SGCZ: variants seen among roughly 807,000 people sequenced by gnomAD.
The protein encoded by SGCZ is sarcoglycan zeta.
Under a neutral mutation model 41.3 loss-of-function variants are expected in SGCZ, and 40 were observed. That is an observed-to-expected ratio of 0.97 (90% confidence interval 0.75 to 1.26). The LOEUF (loss-of-function observed/expected upper bound fraction) is 1.26, where lower values mean the gene tolerates loss of function less well. Ranked by LOEUF, SGCZ falls within the 50% of genes most tolerant of loss-of-function variation. The probability of loss-of-function intolerance (pLI) is 0.00; values close to 1 mark genes in which losing one functional copy is unlikely to be tolerated. For synonymous variants in SGCZ, 206 were observed against 137.5 expected, an observed-to-expected ratio of 1.50 and a Z score of -3.49; for missense variants, 552 against 369.8, an observed-to-expected ratio of 1.49 and a Z score of -4.04.
chr8:14,676,316 A>G (rs1365480857), intron 1 of SGCZ, among the ~76,000 whole-genome samples: 1 of 148,894 alleles, frequency 6.7e-6, no homozygotes, highest in Non-Finnish European at 1.5e-5. Flanking sequence ...AACAGCATAG[A>G]GAGATCCCAC....
At chr8:14,378,078 A>T (rs1804205300) in intron 2 of SGCZ, among the ~76,000 whole-genome samples, 1 of 150,008 alleles carries the variant, frequency 6.7e-6, no homozygotes, top group South Asian at 2.1e-4. Flanking sequence ...TAGTATTTCT[A>T]GTTCTAGATC....
intron 2 of SGCZ, among the ~76,000 whole-genome samples, chr8:14,476,380 C>G (rs1016681173): frequency 6.6e-6 from 1 of 152,020 alleles, no homozygotes; most frequent in African/African-American, 2.4e-5. Flanking sequence ...TGATTCCCAT[C>G]ATAAATCTTT....
chr8:14,505,981 C>T (rs10098266), intron 2 of SGCZ, among the ~76,000 whole-genome samples: 10,856 of 152,060 alleles, frequency 0.071, 598 homozygotes, highest in African/African-American at 0.15. Flanking sequence ...TATGTCCTTC[C>T]CAAACTTCCA....
At chr8:14,621,433 T>C (rs906868032) in intron 1 of SGCZ, among the ~76,000 whole-genome samples, 2 of 149,350 alleles carry the variant, frequency 1.3e-5, no homozygotes, top group African/African-American at 4.9e-5. Context: ...ACTTAAAGTA[T>C]AATAAAAAAA....
intron 1 of SGCZ, among the ~76,000 whole-genome samples, chr8:15,157,438 T>G (rs1173934381): frequency 1.3e-5 from 2 of 150,324 alleles, no homozygotes; most frequent in East Asian, 1.9e-4. Flanking sequence ...AAAAAAAAAG[T>G]AGCCCGTAAT....
At chr8:14,818,676 T>A (rs1482369307) in intron 1 of SGCZ, among the ~76,000 whole-genome samples, 2 of 152,082 alleles carry the variant, frequency 1.3e-5, no homozygotes, top group Middle Eastern at 6.8e-3. Context: ...AAACAAATAA[T>A]TCACTGAAGT....
rs1800462083 is a variant in SGCZ, at chr8:15,189,509, T to C, written c.39+48076A>G. On this transcript the variant is annotated intron_variant, in intron 1 of 7. Coordinates refer to ENST00000382080, the MANE Select transcript of SGCZ (RefSeq NM_139167.4). ...TCTTAACATACATTTCTCATCACGC[T>C]CAAGGGACTCTTTGTGTACAGTTAG... is the stretch of plus-strand genomic sequence containing the variant. Among the ~76,000 whole-genome samples, 4 of 152,088 alleles carry C rather than the reference T, an allele frequency of 2.6e-5. No homozygotes were observed. The South Asian group carries it at 8.3e-4, about 32-fold the overall frequency.
At chr8:14,405,368 C>T (rs1799185271) in intron 2 of SGCZ, among the ~76,000 whole-genome samples, 2 of 152,288 alleles carry the variant, frequency 1.3e-5, no homozygotes, top group Admixed American at 6.5e-5. Context: ...TTTTCTCACA[C>T]ACATTCCATT....
intron 1 of SGCZ, among the ~76,000 whole-genome samples, chr8:14,631,574 G>C (rs1460413786): frequency 1.3e-5 from 2 of 152,104 alleles, no homozygotes; most frequent in Non-Finnish European, 2.9e-5. Flanking sequence ...TAAAGTCTCA[G>C]ATTGAGGAAA....
At chr8:14,811,211 T>C (rs1394606033) in intron 1 of SGCZ, among the ~76,000 whole-genome samples, 3 of 152,066 alleles carry the variant, frequency 2.0e-5, no homozygotes, top group Non-Finnish European at 4.4e-5. Flanking sequence ...TTCATTAAAA[T>C]GAATTCAGTG....
chr8:14,747,268 T>A (rs1271657642), intron 1 of SGCZ, among the ~76,000 whole-genome samples: 1 of 152,174 alleles, frequency 6.6e-6, no homozygotes, highest in Non-Finnish European at 1.5e-5. Flanking sequence ...TCTCGTCTCC[T>A]GTCCCCAGGA....
chr8:14,489,076 G>A (rs538175466), intron 2 of SGCZ, among the ~76,000 whole-genome samples: 58 of 142,036 alleles, frequency 4.1e-4, no homozygotes, highest in South Asian at 8.6e-4. Context: ...TTCACAGAAC[G>A]CATCTTTTTT....
intron 2 of SGCZ, among the ~76,000 whole-genome samples, chr8:14,429,358 C>A (rs1418157360): frequency 2.0e-5 from 3 of 152,102 alleles, no homozygotes; most frequent in Non-Finnish European, 4.4e-5. Flanking sequence ...CCTGGGCTAT[C>A]AGCAGAATGT....
intron 1 of SGCZ, among the ~76,000 whole-genome samples, chr8:14,820,274 T>A (rs1212049198): frequency 9.2e-5 from 14 of 151,960 alleles, no homozygotes; most frequent in Admixed American, 9.2e-4. Flanking sequence ...GAGACATCAT[T>A]ATACAATGAA....
chr8:14,244,889 CTGTT>C (rs1328780441), intron 3 of SGCZ, among the ~76,000 whole-genome samples: 17 of 152,090 alleles, frequency 1.1e-4, no homozygotes, highest in East Asian at 5.8e-4. Flanking sequence ...ATTTGGCTCT[CTGTT>C]TGTCTGTTAT....
At chr8:15,056,194 T>C (rs1259691823) in intron 1 of SGCZ, among the ~76,000 whole-genome samples, 1 of 152,198 alleles carries the variant, frequency 6.6e-6, no homozygotes, top group Non-Finnish European at 1.5e-5. Flanking sequence ...TCGCAAGGAC[T>C]CTTTCCTTCC....
chr8:15,079,664 C>G (rs1479418293), intron 1 of SGCZ, among the ~76,000 whole-genome samples: 2 of 152,080 alleles, frequency 1.3e-5, no homozygotes, highest in African/African-American at 4.8e-5. Context: ...ATGTATTGTT[C>G]AAAGGTTTTC....
chr8:14,667,135 A>G (rs1193046341), intron 1 of SGCZ, among the ~76,000 whole-genome samples: 1 of 152,148 alleles, frequency 6.6e-6, no homozygotes, highest in Non-Finnish European at 1.5e-5. Context: ...CAAACTTGAA[A>G]GTTTCCAATA....
chr8:15,077,370 T>C (rs1805574114), intron 1 of SGCZ, among the ~76,000 whole-genome samples: 1 of 152,204 alleles, frequency 6.6e-6, no homozygotes, highest in South Asian at 2.1e-4. Flanking sequence ...TAATTTGGAG[T>C]GCTCTGCCTG....
Sources: allele counts gnomAD v4.1 joint callset (sites outside exome capture counted in the v4.1 genomes callset), GRCh38; gene constraint gnomAD v4.1.1; transcripts MANE v1.5; gene names NCBI Gene and HGNC (gene_info 2026-07-23, HGNC 2026-07-21).